Variants in MTTP observed in about 807,000 individuals in gnomAD.
The protein encoded by MTTP is microsomal triglyceride transfer protein.
MTTP carries 49 observed loss-of-function variants against 90.6 expected under a neutral mutation model. The ratio of observed to expected loss-of-function variants is 0.54; its 90% CI spans 0.43 to 0.69. MTTP has a LOEUF of 0.69. Among genes scored for constraint, MTTP ranks in the 30% least tolerant of loss-of-function variants. The pLI, the probability that MTTP is intolerant of heterozygous loss-of-function variation, is 0.00. For synonymous variants in MTTP, 347 were observed against 384.2 expected (o/e 0.90, Z 1.13); for missense variants, 945 against 1,067.5 (o/e 0.89, Z 1.60).
intron 15 of MTTP, among the ~76,000 whole-genome samples, chr4:99,614,260 G>A (rs1726034568): frequency 6.6e-6 from 1 of 152,178 alleles, no homozygotes; most frequent in African/African-American, 2.4e-5. Flanking sequence ...ACCTGGAACA[G>A]GTGGTCTGAA....
At chr4:99,583,769 A>C in intron 3 of MTTP, 1 of 582,054 alleles carries the variant, frequency 1.7e-6, no homozygotes, top group Non-Finnish European at 3.0e-6. Flanking sequence ...GTATTTATTT[A>C]TTGATGAAAG....
chr4:99,576,886 A>C (rs1724977717), intron 1 of MTTP, among the ~76,000 whole-genome samples: 1 of 152,074 alleles, frequency 6.6e-6, no homozygotes, highest in Non-Finnish European at 1.5e-5. Flanking sequence ...ACTTTTGAGA[A>C]AAGATTACAA....
chr4:99,606,716 C>A lies in MTTP; in HGVS notation c.1345-32C>A. 1.9e-6 allele frequency: 3 copies of A among 1,586,956 alleles called. No homozygotes were observed. The South Asian group carries it at 3.3e-5, about 18-fold the overall frequency. On this transcript the variant is annotated intron_variant, in intron 10 of 17. Coordinates refer to ENST00000265517, the MANE Select transcript of MTTP (RefSeq NM_001386140.1). ...ACCCAAGTCTTCTTCAATGTATGGT[C>A]ATGCATATATCTAAGGTATATGATT...
At chr4:99,600,836 G>T in intron 9 of MTTP, 103 bp downstream of exon 9, 2 of 1,070,516 alleles carry the variant, frequency 1.9e-6, no homozygotes, top group Non-Finnish European at 2.7e-6. Context: ...CTATCAACTA[G>T]AGACTTCTGA....
chr4:99,574,726 TAGTG>T (rs1434008170), upstream of MTTP: 10 of 1,352,078 alleles, frequency 7.4e-6, no homozygotes, highest in Admixed American at 3.9e-5. Flanking sequence ...TAATCATTAA[TAGTG>T]AGCCCTTCAG....
At chr4:99,569,494 CAG>C (rs1398882436) in intron 1 of MTTP, among the ~76,000 whole-genome samples, 1 of 151,938 alleles carries the variant, frequency 6.6e-6, no homozygotes, top group African/African-American at 2.4e-5. Context: ...AAGTTATTAA[CAG>C]AAGTAACTGT....
intron 15 of MTTP, among the ~76,000 whole-genome samples, chr4:99,618,047 C>A (rs202078898): frequency 1.9e-5 from 2 of 105,856 alleles, no homozygotes; most frequent in Non-Finnish European, 1.9e-5. Context: ...GGAAAAAAAA[C>A]ACCAAACAAT....
rs532246101 is a variant in MTTP, at chr4:99,604,169, G to T, written c.1344+2455G>T. 2.6e-4 allele frequency among the ~76,000 whole-genome samples: 40 copies of T among 152,182 alleles called. No individual in the cohort carries two copies. The South Asian group carries it at 7.9e-3, about 30-fold the overall frequency. On this transcript the variant is annotated intron_variant, in intron 10 of 17. Transcript: ENST00000265517. The stretch of plus-strand genomic sequence containing the variant: ...TATGAAAGAAAGGAAAGAAAATTAT[G>T]TATTGTATTAAATAAGCACAAATTT...
At chr4:99,619,276 A>G (rs989234095) in intron 16 of MTTP, among the ~76,000 whole-genome samples, 178 bp downstream of exon 16, 2 of 152,226 alleles carry the variant, frequency 1.3e-5, no homozygotes, top group African/African-American at 2.4e-5. Flanking sequence ...ATAGCTTCTT[A>G]TGAGCAGGTC....
intron 4 of MTTP, 21 bp from the exon 5 acceptor site, chr4:99,591,214 T>G: frequency 6.5e-7 from 1 of 1,528,152 alleles, no homozygotes; most frequent in Non-Finnish European, 9.1e-7. Flanking sequence ...CCAAGCATTA[T>G]GCCCTTGCCT....
intron 15 of MTTP, among the ~76,000 whole-genome samples, chr4:99,617,932 G>A (rs747983631): frequency 6.6e-6 from 1 of 151,442 alleles, no homozygotes. Context: ...ATTTGCCTTC[G>A]TTTTCTAGTT....
At position 99,594,768 on chromosome 4, in the gene MTTP, C is replaced by T; in HGVS notation, c.794C>T (p.Pro265Leu). The T allele has an allele frequency of 6.2e-7, 1 of 1,613,964 alleles. No homozygotes were observed. Among genetic ancestry groups the T allele is most frequent in the Admixed American group, 1.7e-5 (1 of 59,992 alleles). Residue 265 changes from proline to leucine, a missense_variant, in exon 7 of 18, where the codon CCA (proline) becomes CTA (leucine). Pro to Leu is a moderately conservative substitution (Grantham distance 98). Transcript: ENST00000265517. ...GAGCTGAAGACAACCGAAGCAGGCC[C>T]AAGATTGATGTCTGGAAAGCAGGCT... ...KLELKTTEAG[P>L]RLMSGKQAAA...
Position 99,611,238 on chromosome 4 carries a change from A to G in MTTP, c.1865A>G (p.Glu622Gly). The G allele has an allele frequency of 1.2e-6, 2 of 1,613,348 alleles. No homozygotes were observed. The highest frequency in any genetic ancestry group is 1.7e-6 in the Non-Finnish European group (2 of 1,179,308). The change falls in exon 13 of 18, where the codon GAA (glutamate) becomes GGA (glycine). Residue 622 changes from glutamate (E) to glycine (G), a missense_variant and splice_region_variant. Transcript: ENST00000265517. The stretch of plus-strand genomic sequence containing the variant: ...TCTTCTGCCTACACTGGCTACATAG[A>G]ACGTATGTACACCAAAAAGAGGTTC... ...GSSSAYTGYI[E>G]RSPRSASTYS...
chr4:99,610,435 C>T lies in MTTP; in HGVS notation c.1770-708C>T, dbSNP rs376478594. On this transcript the variant is annotated intron_variant, in intron 12 of 17. Coordinates refer to ENST00000265517, the MANE Select transcript of MTTP (RefSeq NM_001386140.1). ...GAAACCTCTCAGGATGCCATTGCCT[C>T]CCCTCAATTATTTTCTACCTTAGAC... is the stretch of plus-strand genomic sequence containing the variant. Among the ~76,000 whole-genome samples the T allele has an allele frequency of 2.0e-5, 3 of 152,222 alleles. No individual in the cohort carries two copies. In the East Asian group the frequency reaches 5.8e-4, roughly 29 times the overall value.
chr4:99,604,394 C>T lies in MTTP; in HGVS notation c.1345-2354C>T, dbSNP rs891048327. Among the ~76,000 whole-genome samples, 60 of 152,068 alleles carry T rather than the reference C, an allele frequency of 3.9e-4. 1 individual carries two copies. Among genetic ancestry groups the T allele is most frequent in the Admixed American group, 2.4e-3 (36 of 15,228 alleles). ...GTCTTTTGCTTATGTTTTGACCTCC[C>T]GGCATCCTAATTCCTTATTTTCACT... On this transcript the variant is annotated intron_variant, in intron 10 of 17. Coordinates refer to ENST00000265517, the MANE Select transcript of MTTP (RefSeq NM_001386140.1).
chr4:99,589,563 G>T, intron 3 of MTTP, 80 bp from the exon 4 acceptor site: 1 of 817,954 alleles, frequency 1.2e-6, no homozygotes, highest in Non-Finnish European at 2.1e-6. Flanking sequence ...GTAAGAATCT[G>T]ACCTTGCCTG....
At chr4:99,579,930 A>G (rs1486065767) in intron 1 of MTTP, among the ~76,000 whole-genome samples, 1 of 151,116 alleles carries the variant, frequency 6.6e-6, no homozygotes, top group African/African-American at 2.4e-5. Context: ...CCAACTACTC[A>G]GAAGGCTGAG....
intron 11 of MTTP, among the ~76,000 whole-genome samples, chr4:99,608,223 G>A (rs1021797658): frequency 5.3e-5 from 8 of 152,128 alleles, no homozygotes; most frequent in African/African-American, 1.7e-4. Context: ...GAGGCGGGTG[G>A]ATCACGAGGT....
At chr4:99,611,867 A>G (rs1055426201) in intron 14 of MTTP, among the ~76,000 whole-genome samples, 2 of 152,160 alleles carry the variant, frequency 1.3e-5, no homozygotes, top group Admixed American at 6.6e-5. Context: ...GTTTCTATGA[A>G]GAGATTGATT....
Sources: allele counts gnomAD v4.1 joint callset (sites outside exome capture counted in the v4.1 genomes callset), GRCh38; gene constraint gnomAD v4.1.1; transcripts MANE v1.5; gene names NCBI Gene and HGNC (gene_info 2026-07-23, HGNC 2026-07-21).